The following EYA4 variants were observed in gnomAD, a reference collection of about 807,000 sequenced individuals.
EYA4 encodes the protein protein phosphatase EYA4.
EYA4 carries 31 observed loss-of-function variants against 87.9 expected under a neutral mutation model. The observed-to-expected ratio is 0.35, with a 90% confidence interval of 0.27 to 0.48. The LOEUF (loss-of-function observed/expected upper bound fraction) is 0.48, where lower values mean the gene tolerates loss of function less well. EYA4 is among the 20% of genes least tolerant of loss of function. The pLI is 0.99. For missense variants in EYA4, 678 were observed against 761.4 expected, an observed-to-expected ratio of 0.89 and a Z score of 1.29; for synonymous variants, 263 against 270.6, an observed-to-expected ratio of 0.97 and a Z score of 0.28.
intron 3 of EYA4, among the ~76,000 whole-genome samples, chr6:133,410,194 T>G (rs3777832): frequency 0.063 from 9,542 of 152,170 alleles, 870 homozygotes; most frequent in African/African-American, 0.19. Flanking sequence ...TTTCATTAAT[T>G]TAATGAGATG....
At chr6:133,278,458 C>T (rs1269472275) in intron 2 of EYA4, among the ~76,000 whole-genome samples, 3 of 152,162 alleles carry the variant, frequency 2.0e-5, no homozygotes, top group Admixed American at 6.5e-5. Flanking sequence ...TGGTGGATCT[C>T]GTTCATCTCG....
intron 16 of EYA4, among the ~76,000 whole-genome samples, chr6:133,514,335 C>T (rs968123755): frequency 2.6e-5 from 4 of 151,960 alleles, no homozygotes; most frequent in Non-Finnish European, 4.4e-5. Context: ...AATAAATATC[C>T]CCTTGGGAAA....
chr6:133,400,825 T>G (rs1489795297), intron 3 of EYA4, among the ~76,000 whole-genome samples: 2 of 152,140 alleles, frequency 1.3e-5, no homozygotes, highest in Admixed American at 6.5e-5. Context: ...ATTGTAGACT[T>G]TTTCTTACTC....
intron 2 of EYA4, among the ~76,000 whole-genome samples, chr6:133,381,350 A>G (rs1020966548): frequency 1.3e-5 from 2 of 151,954 alleles, no homozygotes; most frequent in Non-Finnish European, 2.9e-5. Context: ...TTTGTTAAGG[A>G]TTTTTCTGAA....
intron 2 of EYA4, among the ~76,000 whole-genome samples, chr6:133,338,931 T>C (rs985294908): frequency 1.3e-5 from 2 of 152,120 alleles, no homozygotes; most frequent in African/African-American, 4.8e-5. Context: ...GTTTATCCTG[T>C]AAAGAAGGTG....
At chr6:133,285,343 T>C (rs1777965415) in intron 2 of EYA4, among the ~76,000 whole-genome samples, 1 of 152,026 alleles carries the variant, frequency 6.6e-6, no homozygotes, top group African/African-American at 2.4e-5. Context: ...GTGAGCCATG[T>C]GGATATCTGG....
At chr6:133,456,720 C>A in intron 6 of EYA4, 72 bp downstream of exon 6, 1 of 894,864 alleles carries the variant, frequency 1.1e-6, no homozygotes, top group Non-Finnish European at 1.9e-6. Context: ...CGGGAATAAG[C>A]AACATAAGCA....
At chr6:133,400,666 G>C (rs1015634618) in intron 3 of EYA4, among the ~76,000 whole-genome samples, 2 of 151,970 alleles carry the variant, frequency 1.3e-5, no homozygotes, top group Non-Finnish European at 2.9e-5. Context: ...TCAATTAAAG[G>C]ATAGTAATAA....
At chr6:133,417,824 G>T (rs76329896) in intron 3 of EYA4, among the ~76,000 whole-genome samples, 1 of 152,196 alleles carries the variant, frequency 6.6e-6, no homozygotes, top group Non-Finnish European at 1.5e-5. Context: ...AGTGTGAGGA[G>T]CTGAGGTGGG....
chr6:133,484,394 C>A (rs962006754), intron 13 of EYA4, among the ~76,000 whole-genome samples: 2 of 152,122 alleles, frequency 1.3e-5, no homozygotes, highest in Admixed American at 1.3e-4. Flanking sequence ...GATAAAATTG[C>A]GTTGAAGTCT....
chr6:133,261,232 C>G (rs1005055710), intron 1 of EYA4, among the ~76,000 whole-genome samples: 1 of 152,146 alleles, frequency 6.6e-6, no homozygotes. Context: ...TGTCAGAAAT[C>G]TGAAGTAGAT....
chr6:133,444,635 A>G (rs755949813), intron 3 of EYA4, among the ~76,000 whole-genome samples: 4 of 151,938 alleles, frequency 2.6e-5, no homozygotes, highest in Non-Finnish European at 1.5e-5. Context: ...TAGTCATTTT[A>G]CCCCTCCATT....
At chr6:133,465,857 T>C (rs1794791549) in intron 10 of EYA4, among the ~76,000 whole-genome samples, 1 of 152,130 alleles carries the variant, frequency 6.6e-6, no homozygotes, top group Non-Finnish European at 1.5e-5. Flanking sequence ...TAAAATCGTG[T>C]GGAATAATAA....
In EYA4 at chr6:133,515,353, C is replaced by T. The variant is rs1451874529; in HGVS notation, c.1534C>T (p.Leu512=). Residue 512 remains leucine, a synonymous_variant, in exon 17 of 20, where the codon CTA becomes TTA. Transcript: ENST00000355286. ...LLGPAKRDAW[L]QLRAEIEGLT... is the part of the protein sequence containing the mutation. ...TGGCCCTGCCAAGAGGGATGCCTGG[C>T]TACAGTTAAGGGCAGAGATTGAAGG... The T allele has an allele frequency of 3.1e-6, 5 of 1,613,406 alleles. No individual in the cohort carries two copies. The African/African-American group carries it at 6.7e-5, about 22-fold the overall frequency.
intron 7 of EYA4, 90 bp downstream of exon 7, chr6:133,461,270 A>G: frequency 2.2e-6 from 2 of 916,386 alleles, no homozygotes; most frequent in Non-Finnish European, 1.8e-6. Flanking sequence ...TGGATAGATT[A>G]CATATATAGA....
intron 3 of EYA4, among the ~76,000 whole-genome samples, chr6:133,400,261 G>A (rs1788146037): frequency 6.6e-6 from 1 of 152,188 alleles, no homozygotes; most frequent in South Asian, 2.1e-4. Flanking sequence ...TGTAATCCCA[G>A]CACTTCTGGA....
At chr6:133,431,207 G>C (rs956494224) in intron 3 of EYA4, among the ~76,000 whole-genome samples, 2 of 152,124 alleles carry the variant, frequency 1.3e-5, no homozygotes, top group African/African-American at 4.8e-5. Context: ...ATATAAGGAA[G>C]CAAGGCCTTA....
At chr6:133,517,043 T>C (rs959356059) in intron 17 of EYA4, among the ~76,000 whole-genome samples, 4 of 152,180 alleles carry the variant, frequency 2.6e-5, no homozygotes, top group Non-Finnish European at 4.4e-5. Context: ...AGTACTGGGA[T>C]TGCTGGGTTA....
intron 3 of EYA4, among the ~76,000 whole-genome samples, chr6:133,387,370 C>T (rs1240864227): frequency 6.6e-6 from 1 of 152,184 alleles, no homozygotes; most frequent in Non-Finnish European, 1.5e-5. Context: ...TAGCATTTCA[C>T]TGTGTCAAAT....
Sources: gnomAD v4.1 joint callset for allele counts (sites outside exome capture counted in the v4.1 genomes callset) on GRCh38, gnomAD v4.1.1 for gene constraint, MANE v1.5 for transcripts, NCBI Gene and HGNC (gene_info 2026-07-23, HGNC 2026-07-21) for gene names.